CASK: variants seen among roughly 807,000 people sequenced by gnomAD.
CASK encodes the protein peripheral plasma membrane protein CASK.
A neutral mutation model predicts 82.9 loss-of-function variants in CASK; 4 were observed. The ratio of observed to expected loss-of-function variants is 0.05; its 90% CI spans 0.02 to 0.11. The LOEUF (loss-of-function observed/expected upper bound fraction) is 0.11, where lower values mean the gene tolerates loss of function less well. CASK is among the 10% of genes least tolerant of loss of function. The pLI, the probability that CASK is intolerant of heterozygous loss-of-function variation, is 1.00. For synonymous variants in CASK, 259 were observed against 253.5 expected (o/e 1.02, Z -0.20); for missense variants, 358 against 720.9 (o/e 0.50, Z 5.76).
rs5918206 is a variant in CASK, at chrX:41,587,245, G to C, written c.1234-258C>G. Reference sequence around the variant, plus strand: ...GAAAAATATAAAGCAAAATGACAAGGCTGCAACATATATTTATTACAGATT... The same window carrying C: ...GAAAAATATAAAGCAAAATGACAAGCCTGCAACATATATTTATTACAGATT... On this transcript the variant is annotated intron_variant, in intron 13 of 26. Coordinates refer to ENST00000378163, the MANE Select transcript of CASK (RefSeq NM_001367721.1). The C allele has an allele frequency of 0.15, 38,367 of 249,772 alleles. 2,314 individuals carry two copies. The highest frequency in any genetic ancestry group is 0.2 in the Middle Eastern group (153 of 769). The allele number at this position is 249,772 out of a possible 1,213,427, so 20.6% of individuals were successfully genotyped here.
intron 3 of CASK, among the ~76,000 whole-genome samples, chrX:41,770,049 G>A (rs183936405): frequency 2.7e-5 from 3 of 110,717 alleles, no homozygotes; most frequent in African/African-American, 9.9e-5. Flanking sequence ...AAATGAATAA[G>A]GTACATGAAG....
At chrX:41,783,765 G>A (rs917223663) in intron 3 of CASK, among the ~76,000 whole-genome samples, 4 of 111,373 alleles carry the variant, frequency 3.6e-5, no homozygotes, top group African/African-American at 1.3e-4. Context: ...TTAGTTAGAG[G>A]TGACGTCTGC....
intron 2 of CASK, among the ~76,000 whole-genome samples, chrX:41,805,787 C>T (rs1446497043): frequency 1.8e-5 from 2 of 111,043 alleles, no homozygotes; most frequent in African/African-American, 3.3e-5. Context: ...AAAGGTAAAC[C>T]CAAGGTGTAA....
intron 5 of CASK, among the ~76,000 whole-genome samples, chrX:41,685,620 T>C (rs2147534956): frequency 9.0e-6 from 1 of 111,583 alleles, no homozygotes; most frequent in South Asian, 3.8e-4. Flanking sequence ...TAGCTGGGAC[T>C]ACAGGTATGT....
At chrX:41,774,528 A>C (rs1161018871) in intron 3 of CASK, among the ~76,000 whole-genome samples, 7 of 111,245 alleles carry the variant, frequency 6.3e-5, no homozygotes, top group Non-Finnish European at 1.1e-4. Flanking sequence ...GAATTAGAAA[A>C]AACTACTTTA....
chrX:41,897,840 T>G (rs754230838), intron 1 of CASK, among the ~76,000 whole-genome samples: 5 of 112,214 alleles, frequency 4.5e-5, no homozygotes, highest in African/African-American at 1.6e-4. Context: ...TGCATGATTT[T>G]AATATGCAGT....
chrX:41,778,495 T>C (rs1473151760), intron 3 of CASK, among the ~76,000 whole-genome samples: 2 of 110,217 alleles, frequency 1.8e-5, no homozygotes, highest in Non-Finnish European at 3.8e-5. Flanking sequence ...CCTCCCAAAG[T>C]GCTGGGATTA....
intron 1 of CASK, among the ~76,000 whole-genome samples, chrX:41,914,500 A>G (rs1439162654): frequency 8.9e-6 from 1 of 112,316 alleles, no homozygotes; most frequent in Non-Finnish European, 1.9e-5. Context: ...CAATGAACAA[A>G]TTTAGTTAGG....
At chrX:41,746,296 T>A (rs1471806143) in intron 3 of CASK, among the ~76,000 whole-genome samples, 1 of 111,290 alleles carries the variant, frequency 9.0e-6, no homozygotes, top group Non-Finnish European at 1.9e-5. Flanking sequence ...GGCAGAATGG[T>A]CTTATTATCA....
chrX:41,689,079 T>A, intron 5 of CASK: 1 of 111,946 alleles, frequency 8.9e-6, no homozygotes, highest in Middle Eastern at 4.7e-3. Context: ...CAGGCGAACC[T>A]GAACTGTGAG....
At chrX:41,804,725 G>A (rs749164497) in intron 2 of CASK, among the ~76,000 whole-genome samples, 1 of 111,608 alleles carries the variant, frequency 9.0e-6, no homozygotes, top group Non-Finnish European at 1.9e-5. Flanking sequence ...GCTCCCTGTC[G>A]AGGGTAACAA....
rs2070978672 is a variant in CASK at position 41,838,782 on chromosome X, T to C, written c.172+14333A>G. Among the ~76,000 whole-genome samples, 4 of 111,655 alleles carry C rather than the reference T, an allele frequency of 3.6e-5. No individual in the cohort carries two copies. In the Admixed American group the frequency reaches 3.8e-4, roughly 11 times the overall value. On this transcript the variant is annotated intron_variant, in intron 2 of 26. Coordinates refer to ENST00000378163, the MANE Select transcript of CASK (RefSeq NM_001367721.1). The stretch of plus-strand genomic sequence containing the variant: ...CTCAAAAAAAAAAGCTATGTAGCTT[T>C]ATGTTTTATATTTAAATCTATGATC...
At chrX:41,639,358 C>T (rs935152639) in intron 8 of CASK, among the ~76,000 whole-genome samples, 6 of 108,751 alleles carry the variant, frequency 5.5e-5, no homozygotes, top group Non-Finnish European at 1.1e-4. Flanking sequence ...AGGCGCGAGC[C>T]ACCACGCCCA....
intron 17 of CASK, among the ~76,000 whole-genome samples, chrX:41,560,848 G>A (rs1013583463): frequency 6.4e-5 from 7 of 108,851 alleles, no homozygotes; most frequent in African/African-American, 2.3e-4. Context: ...CTGAGATCAC[G>A]CCATTGCACT....
At chrX:41,667,581 G>T (rs940598103) in intron 6 of CASK, among the ~76,000 whole-genome samples, 5 of 111,124 alleles carry the variant, frequency 4.5e-5, no homozygotes, top group Admixed American at 9.6e-5. Flanking sequence ...ATCTTTATGC[G>T]CACAATCCTT....
intron 8 of CASK, among the ~76,000 whole-genome samples, chrX:41,647,283 T>A (rs2066775373): frequency 8.9e-6 from 1 of 112,553 alleles, no homozygotes; most frequent in African/African-American, 3.2e-5. Flanking sequence ...ATGAGACTGA[T>A]AATTCATAGG....
chrX:41,872,818 C>T (rs909576457), intron 1 of CASK, among the ~76,000 whole-genome samples: 1 of 110,681 alleles, frequency 9.0e-6, no homozygotes, highest in Admixed American at 9.7e-5. Context: ...CCTTCAGCTC[C>T]TCTTGGCTGT....
At chrX:41,761,022 C>T (rs1019246429) in intron 3 of CASK, among the ~76,000 whole-genome samples, 2 of 111,116 alleles carry the variant, frequency 1.8e-5, no homozygotes, top group African/African-American at 3.3e-5. Context: ...TGTGTATCTG[C>T]GATTGTTTCT....
intron 2 of CASK, among the ~76,000 whole-genome samples, chrX:41,829,028 C>T (rs2070730318): frequency 8.9e-6 from 1 of 112,148 alleles, no homozygotes; most frequent in Non-Finnish European, 1.9e-5. Context: ...TGAATGAATA[C>T]TTTTGTGAAC....
Sources: allele counts gnomAD v4.1 joint callset (sites outside exome capture counted in the v4.1 genomes callset), GRCh38; gene constraint gnomAD v4.1.1; transcripts MANE v1.5; gene names NCBI Gene and HGNC (gene_info 2026-07-23, HGNC 2026-07-21).